The following INPP5D variants were observed in gnomAD, a reference collection of about 807,000 sequenced individuals.
INPP5D encodes phosphatidylinositol 3,4,5-trisphosphate 5-phosphatase 1.
A neutral mutation model predicts 122.9 loss-of-function variants in INPP5D; 33 were observed. The observed-to-expected ratio is 0.27, with a 90% CI of 0.20 to 0.36. INPP5D has a LOEUF of 0.36. Among genes scored for constraint, INPP5D ranks in the 10% least tolerant of loss-of-function variants. The pLI is 1.00. For missense variants in INPP5D, 1,053 were observed against 1,412.7 expected (o/e 0.75, Z 4.08); for synonymous variants, 584 against 576.2 (o/e 1.01, Z -0.19).
chr2:233,060,416 C>G lies in INPP5D; in HGVS notation c.-63C>G. 6.6e-7 allele frequency: 1 copy of G among 1,505,808 alleles called. No individual in the cohort carries two copies. Among genetic ancestry groups the G allele is most frequent in the East Asian group, 2.5e-5 (1 of 40,512 alleles). 93.3% of individuals were successfully genotyped at this position (1,505,808 alleles called of 1,614,324 possible). On this transcript the variant is annotated 5_prime_UTR_variant, in exon 1 of 27. Transcript: ENST00000445964. The stretch of plus-strand genomic sequence containing the variant: ...GGTTGCAGTGGAGGGGCCTCCGCTC[C>G]CCTCGGTGGTGTGTGGGTCCTGGGG...
intron 6 of INPP5D, among the ~76,000 whole-genome samples, chr2:233,144,518 A>ATGGTGATGGTGAGGGTGGAGGTGGTGG (rs1285488348): frequency 2.0e-5 from 2 of 101,556 alleles, no homozygotes; most frequent in Non-Finnish European, 4.1e-5. Flanking sequence ...GGTGGTGGTG[A>ATGGTGATGGTGAGGGTGGAGGTGGTGG]TGGTGATGGT....
In INPP5D at chr2:233,170,679, G is replaced by A. The variant is rs1275160548; in HGVS notation, c.1900+75G>A. The A allele has an allele frequency of 1.3e-5, 20 of 1,557,970 alleles. No individual in the cohort carries two copies. Among genetic ancestry groups the A allele is most frequent in the Middle Eastern group, 2.3e-4 (1 of 4,368 alleles). ...AGCACTTTAGGAGGCCGAGGCGGGC[G>A]GATCACGAGATCAGGAGATGGAGAC... is the stretch of plus-strand genomic sequence containing the variant. On this transcript the variant is annotated intron_variant, in intron 16 of 26. Coordinates refer to ENST00000445964, the MANE Select transcript of INPP5D (RefSeq NM_001017915.3). The surrounding 1 kb of genome is among the most constrained non-coding windows in gnomAD (Gnocchi z 4.5).
rs916915555 is a variant in INPP5D, at chr2:233,078,824, A to G, written c.135-511A>G. 2.6e-5 allele frequency among the ~76,000 whole-genome samples: 4 copies of G among 152,228 alleles called. No individual in the cohort carries two copies. The highest frequency in any genetic ancestry group is 4.4e-5 in the Non-Finnish European group (3 of 68,010). Reference sequence around the variant, plus strand: ...CAGCCTCCCAAGTAGCTGGGACTACAGGTGTGCGCCACCACGCCCAGCTAA... The same window carrying G: ...CAGCCTCCCAAGTAGCTGGGACTACGGGTGTGCGCCACCACGCCCAGCTAA... On this transcript the variant is annotated intron_variant, in intron 1 of 26. Coordinates refer to ENST00000445964, the MANE Select transcript of INPP5D (RefSeq NM_001017915.3). The surrounding 1 kb of genome is among the most constrained non-coding windows in gnomAD (Gnocchi z 4.6).
At chr2:233,175,079 A>C (rs1574786769) in intron 17 of INPP5D, among the ~76,000 whole-genome samples, 2 of 151,864 alleles carry the variant, frequency 1.3e-5, no homozygotes, top group East Asian at 3.9e-4. Flanking sequence ...TTAGCCGGGC[A>C]TGCTGATGGG....
chr2:233,157,149 T>C (rs1694076119), intron 9 of INPP5D, among the ~76,000 whole-genome samples: 1 of 152,212 alleles, frequency 6.6e-6, no homozygotes, highest in Non-Finnish European at 1.5e-5. Flanking sequence ...GATTCTTCCT[T>C]TCTTGGAAAG....
intron 22 of INPP5D, among the ~76,000 whole-genome samples, chr2:233,190,343 C>T (rs1286107434): frequency 6.6e-6 from 1 of 152,216 alleles, no homozygotes; most frequent in Admixed American, 6.5e-5. Flanking sequence ...CCCTTCTCTG[C>T]TTCTCAAGTG....
intron 17 of INPP5D, among the ~76,000 whole-genome samples, chr2:233,174,720 A>T (rs534444656): frequency 6.6e-6 from 1 of 151,482 alleles, no homozygotes; most frequent in Admixed American, 6.6e-5. Context: ...TGAATCCGGC[A>T]GACAGAGGTT....
intron 2 of INPP5D, among the ~76,000 whole-genome samples, chr2:233,098,868 T>G (rs1260685199): frequency 6.6e-6 from 1 of 152,244 alleles, no homozygotes; most frequent in East Asian, 1.9e-4. Context: ...CACAATGTAT[T>G]TGCCATCGAC....
chr2:233,123,256 C>A (rs1045036167), intron 3 of INPP5D, among the ~76,000 whole-genome samples: 4 of 152,084 alleles, frequency 2.6e-5, no homozygotes, highest in East Asian at 3.8e-4. Context: ...GAGATCGAGA[C>A]CATCCTGGCC....
At chr2:233,137,452 A>AG (rs1693494745) in intron 5 of INPP5D, among the ~76,000 whole-genome samples, 2 of 107,724 alleles carry the variant, frequency 1.9e-5, no homozygotes, top group Admixed American at 1.1e-4. Flanking sequence ...ATTCCATTAA[A>AG]CTTTTTTTTT....
chr2:233,122,294 T>G, intron 3 of INPP5D, 37 bp downstream of exon 3: 1 of 1,600,238 alleles, frequency 6.2e-7, no homozygotes. Flanking sequence ...GAGGTACTTT[T>G]GGGAACTTGC....
At chr2:233,138,125 G>A (rs1175905536) in intron 5 of INPP5D, among the ~76,000 whole-genome samples, 1 of 150,346 alleles carries the variant, frequency 6.7e-6, no homozygotes, top group Non-Finnish European at 1.5e-5. Context: ...GCTGAGGTGG[G>A]CGGATCACCT....
rs757751822 is a variant in INPP5D at position 233,164,168 on chromosome 2, T to C, written c.1438-139T>C. ...TTTTGTCTCGCCTATCAAGCATCGC[T>C]GGGAGTCCCCCGAAGGGTTGGGATT... is the stretch of plus-strand genomic sequence containing the variant. On this transcript the variant is annotated intron_variant, in intron 12 of 26. Coordinates refer to ENST00000445964, the MANE Select transcript of INPP5D (RefSeq NM_001017915.3). The surrounding 1 kb of genome is among the most constrained non-coding windows in gnomAD (Gnocchi z 4.3). 884 of 1,426,814 alleles carry C rather than the reference T, an allele frequency of 6.2e-4. No homozygotes were observed. Among genetic ancestry groups the C allele is most frequent in the Non-Finnish European group, 7.7e-4 (833 of 1,088,638 alleles). 88.4% of individuals were successfully genotyped at this position (1,426,814 alleles called of 1,614,324 possible). A position where few individuals can be genotyped will look rare whatever the true frequency, so the allele number is the denominator to read the frequency against.
At position 233,164,523 on chromosome 2, in the gene INPP5D, CAG is replaced by C. The variant is rs776588766; in HGVS notation, c.1555+104_1555+105del. The C allele has an allele frequency of 1.3e-5, 18 of 1,397,612 alleles. No homozygotes were observed. Among genetic ancestry groups the C allele is most frequent in the Non-Finnish European group, 1.6e-5 (17 of 1,061,502 alleles). The allele number at this position is 1,397,612 out of a possible 1,614,324, so 86.6% of individuals were successfully genotyped here. On this transcript the variant is annotated intron_variant, in intron 13 of 26. Coordinates refer to ENST00000445964, the MANE Select transcript of INPP5D (RefSeq NM_001017915.3). The surrounding 1 kb of genome is among the most constrained non-coding windows in gnomAD (Gnocchi z 4.3). Reference sequence around the variant, plus strand: ...CACCAGTAGTTCCCCGGGTTAAAAACAGAGAGCCTCACATCCTCAGATCCTGG... The same window carrying C: ...CACCAGTAGTTCCCCGGGTTAAAAACAGAGCCTCACATCCTCAGATCCTGG...
At chr2:233,131,887 CT>C (rs1398514749) in intron 5 of INPP5D, among the ~76,000 whole-genome samples, 1 of 152,192 alleles carries the variant, frequency 6.6e-6, no homozygotes, top group East Asian at 1.9e-4. Flanking sequence ...AGAAAACACT[CT>C]TTTATCATCA....
rs113389798 is a variant in INPP5D at position 233,128,206 on chromosome 2, C to G, written c.524+2287C>G. ...ACGCCTCTTAGGAGAATCTAACTAA[C>G]GCCTGATGATCTGAGATGGAGCAGT... On this transcript the variant is annotated intron_variant, in intron 4 of 26. Transcript: ENST00000445964. This position sits in a 1 kb window ranked among gnomAD's most constrained non-coding sequence, Gnocchi z 4.5. 2.5e-4 allele frequency among the ~76,000 whole-genome samples: 38 copies of G among 152,144 alleles called. No homozygotes were observed. The highest frequency in any genetic ancestry group is 9.2e-4 in the African/African-American group (38 of 41,428).
intron 2 of INPP5D, among the ~76,000 whole-genome samples, chr2:233,118,924 C>T (rs1692884549): frequency 6.6e-6 from 1 of 152,276 alleles, no homozygotes; most frequent in Non-Finnish European, 1.5e-5. Context: ...CCCTGGCTCC[C>T]TGGCCTCTGG....
intron 9 of INPP5D, among the ~76,000 whole-genome samples, chr2:233,152,638 C>T (rs748688126): frequency 1.1e-4 from 16 of 152,140 alleles, no homozygotes; most frequent in Admixed American, 2.6e-4. Context: ...CCATTTGAAC[C>T]GAGACCTGAG....
chr2:233,155,459 C>T (rs564008990), intron 9 of INPP5D, among the ~76,000 whole-genome samples: 1 of 152,042 alleles, frequency 6.6e-6, no homozygotes, highest in Non-Finnish European at 1.5e-5. Flanking sequence ...CCCACCTCTA[C>T]TAAAAATACA....
Sources: gnomAD v4.1 joint callset for allele counts (sites outside exome capture counted in the v4.1 genomes callset) on GRCh38, gnomAD v4.1.1 for gene constraint, Gnocchi (gnomAD v3.1) non-coding constraint, MANE v1.5 for transcripts, NCBI Gene and HGNC (gene_info 2026-07-23, HGNC 2026-07-21) for gene names.